Variants in SLC4A4 observed in about 807,000 individuals in gnomAD.
The protein encoded by SLC4A4 is solute carrier family 4 member 4, also known as electrogenic sodium bicarbonate cotransporter 1.
SLC4A4 carries 27 observed loss-of-function variants against 111.5 expected under a neutral mutation model. That is an observed-to-expected ratio of 0.24 (90% CI 0.18 to 0.33). The LOEUF (loss-of-function observed/expected upper bound fraction) is 0.33. SLC4A4 is among the 10% of genes least tolerant of loss of function. The probability of loss-of-function intolerance (pLI) is 1.00; values close to 1 mark genes in which losing one functional copy is unlikely to be tolerated. For synonymous variants in SLC4A4, 443 were observed against 463.4 expected (o/e 0.96, Z 0.57); for missense variants, 909 against 1,315.5 (o/e 0.69, Z 4.78).
At chr4:71,286,451 A>G (rs945961381) in intron 3 of SLC4A4, among the ~76,000 whole-genome samples, 1 of 152,116 alleles carries the variant, frequency 6.6e-6, no homozygotes, top group Admixed American at 6.5e-5. Context: ...TCAAAGGGCC[A>G]TTTGCTTTGG....
At chr4:71,147,850 G>A (rs1342910214) in intron 2 of SLC4A4, among the ~76,000 whole-genome samples, 1 of 152,132 alleles carries the variant, frequency 6.6e-6, no homozygotes, top group Admixed American at 6.6e-5. Flanking sequence ...CACATGCCTG[G>A]TAAATGTACT....
At chr4:71,436,086 C>T (rs984650884) in intron 7 of SLC4A4, among the ~76,000 whole-genome samples, 2 of 152,196 alleles carry the variant, frequency 1.3e-5, no homozygotes, top group Admixed American at 1.3e-4. Context: ...ATAAATCATT[C>T]TGCTATAAAG....
At chr4:71,364,728 G>A (rs1578927130) in intron 6 of SLC4A4, among the ~76,000 whole-genome samples, 2 of 152,114 alleles carry the variant, frequency 1.3e-5, no homozygotes, top group Non-Finnish European at 2.9e-5. Flanking sequence ...GAATTTTGGG[G>A]GGGATACAAA....
intron 1 of SLC4A4, among the ~76,000 whole-genome samples, chr4:71,070,886 AC>A (rs1741642821): frequency 6.6e-6 from 1 of 152,204 alleles, no homozygotes; most frequent in African/African-American, 2.4e-5. Flanking sequence ...ATTAAAAAAT[AC>A]TATCAGGTTT....
In SLC4A4 at chr4:71,292,839, T is replaced by G. The variant is rs529317560; in HGVS notation, c.253+37440T>G. 2.9e-5 allele frequency among the ~76,000 whole-genome samples: 4 copies of G among 139,698 alleles called. No homozygotes were observed. In the South Asian group the frequency reaches 1.0e-3, roughly 35 times the overall value. 91.6% of individuals were successfully genotyped at this position (139,698 alleles called of 152,430 possible). A position where few individuals can be genotyped will look rare whatever the true frequency, so the allele number is the denominator to read the frequency against. On this transcript the variant is annotated intron_variant, in intron 3 of 25. Coordinates refer to ENST00000264485, the MANE Select transcript of SLC4A4 (RefSeq NM_001098484.3). ...TGAGTATGTCTTACTTTTGGTTTTT[T>G]TTGTTTTTTTTTTTTTTTTTTTGAG...
chr4:71,271,872 C>T (rs1209380492), intron 3 of SLC4A4, among the ~76,000 whole-genome samples: 3 of 152,010 alleles, frequency 2.0e-5, no homozygotes, highest in Non-Finnish European at 4.4e-5. Context: ...TTTATTTAAC[C>T]CTCATGAACA....
intron 6 of SLC4A4, among the ~76,000 whole-genome samples, chr4:71,365,115 A>G (rs1731128305): frequency 6.6e-6 from 1 of 152,210 alleles, no homozygotes. Context: ...TTACCATGTA[A>G]TAAACATATT....
intron 2 of SLC4A4, among the ~76,000 whole-genome samples, chr4:71,253,122 G>A (rs1241496475): frequency 1.3e-5 from 2 of 152,130 alleles, no homozygotes; most frequent in Non-Finnish European, 2.9e-5. Context: ...CTATCATCAC[G>A]ATGTGAACAA....
At chr4:71,142,822 C>T (rs999094921) in intron 2 of SLC4A4, among the ~76,000 whole-genome samples, 4 of 148,300 alleles carry the variant, frequency 2.7e-5, no homozygotes, top group African/African-American at 7.5e-5. Context: ...GGATCCCATG[C>T]CCATGACCCT....
chr4:71,228,142 C>T (rs2579314), intron 1 of SLC4A4, among the ~76,000 whole-genome samples: 15 of 152,206 alleles, frequency 9.9e-5, no homozygotes, highest in Non-Finnish European at 2.1e-4. Context: ...TTCACCTTCC[C>T]TGGTCTCTGA....
Position 71,450,682 on chromosome 4 carries a change from G to T in SLC4A4, c.1208+139G>T, listed in dbSNP as rs367580403. On this transcript the variant is annotated intron_variant, in intron 10 of 25. Transcript: ENST00000264485. ...TTAACTTGATGTATTTTCTCAAATG[G>T]ATCACTTATGTGCCTTGGTTTCACG... The T allele has an allele frequency of 1.0e-4, 80 of 772,866 alleles. No individual in the cohort carries two copies. In the African/African-American group the frequency reaches 1.1e-3, roughly 10 times the overall value. The allele number at this position is 772,866 out of a possible 1,614,324, so 47.9% of individuals were successfully genotyped here. A position where few individuals can be genotyped will look rare whatever the true frequency, so the allele number is the denominator to read the frequency against.
chr4:71,158,425 C>T (rs1744534568), intron 2 of SLC4A4, among the ~76,000 whole-genome samples: 1 of 152,054 alleles, frequency 6.6e-6, no homozygotes, highest in African/African-American at 2.4e-5. Flanking sequence ...CCCACTTACC[C>T]AAAGCTTTTT....
At chr4:71,383,566 C>T (rs1027197606) in intron 6 of SLC4A4, among the ~76,000 whole-genome samples, 9 of 152,118 alleles carry the variant, frequency 5.9e-5, no homozygotes, top group Non-Finnish European at 1.0e-4. Flanking sequence ...TATATGGGAT[C>T]GCACCATGGC....
intron 3 of SLC4A4, among the ~76,000 whole-genome samples, chr4:71,260,428 C>T (rs373337127): frequency 1.5e-4 from 23 of 152,026 alleles, no homozygotes; most frequent in African/African-American, 5.1e-4. Context: ...TCTCAAAAAT[C>T]GATCTATATA....
chr4:71,562,529 T>C (rs1737084951), intron 23 of SLC4A4, among the ~76,000 whole-genome samples: 1 of 151,874 alleles, frequency 6.6e-6, no homozygotes, highest in African/African-American at 2.4e-5. Context: ...TTTTTTGATC[T>C]TTGTTGGTTT....
intron 3 of SLC4A4, among the ~76,000 whole-genome samples, chr4:71,288,979 C>T (rs780012406): frequency 6.6e-6 from 1 of 152,032 alleles, no homozygotes; most frequent in Non-Finnish European, 1.5e-5. Flanking sequence ...TTTTGGTGGG[C>T]TGCTGGAATT....
rs57359640 is a variant in SLC4A4 at position 71,139,179 on chromosome 4, T to TTGTGTGTGTGTGTG, written c.-2+46413_-2+46426dup. On this transcript the variant is annotated intron_variant, in intron 2 of 26. Coordinates refer to the SLC4A4 transcript ENST00000649996. ...GTCATCAAACTAAATTCCCTTTTCT[T>TTGTGTGTGTGTGTG]TGTGTGTGTGTGTGTGTGTGTGTGT... Among the ~76,000 whole-genome samples the TTGTGTGTGTGTGTG allele has an allele frequency of 2.3e-3, 333 of 144,530 alleles. 1 individual carries two copies. The highest frequency in any genetic ancestry group is 3.2e-3 in the Non-Finnish European group (214 of 66,128). The allele number at this position is 144,530 out of a possible 152,430, so 94.8% of individuals were successfully genotyped here.
intron 7 of SLC4A4, among the ~76,000 whole-genome samples, chr4:71,400,711 C>A (rs1270188375): frequency 6.6e-6 from 1 of 152,142 alleles, no homozygotes; most frequent in Non-Finnish European, 1.5e-5. Context: ...TTTTCAGTTT[C>A]TATACCTACT....
At chr4:71,134,443 T>C (rs909844903) in intron 2 of SLC4A4, among the ~76,000 whole-genome samples, 1 of 152,252 alleles carries the variant, frequency 6.6e-6, no homozygotes, top group Non-Finnish European at 1.5e-5. Context: ...CCAGTTTTCC[T>C]GTAAAGGGAG....
Sources: gnomAD v4.1 joint callset for allele counts (sites outside exome capture counted in the v4.1 genomes callset) on GRCh38, gnomAD v4.1.1 for gene constraint, MANE v1.5 for transcripts, NCBI Gene and HGNC (gene_info 2026-07-23, HGNC 2026-07-21) for gene names.